The following ABTB3 variants were observed in gnomAD, a reference collection of about 807,000 sequenced individuals.
The protein encoded by ABTB3 is ankyrin repeat and BTB domain containing 3.
chr12:107,385,100 C>T, the ABTB3 span, among the ~76,000 whole-genome samples: 32 of 152,226 alleles, frequency 2.1e-4, no homozygotes, highest in African/African-American at 7.5e-4. Context: ...TGAAAATAAG[C>T]CCGATCTAGC....
At chr12:107,456,113 T>A in the ABTB3 span, among the ~76,000 whole-genome samples, 4 of 152,340 alleles carry the variant, frequency 2.6e-5, no homozygotes, top group African/African-American at 9.6e-5. Flanking sequence ...ATTTAACATG[T>A]GCCAATAACT....
the ABTB3 span, among the ~76,000 whole-genome samples, chr12:107,637,808 GT>G: frequency 1.3e-5 from 2 of 151,074 alleles, no homozygotes; most frequent in African/African-American, 4.9e-5. Context: ...GTGTGTGTGT[GT>G]GTGTGTGTGT....
At chr12:107,452,348 A>G in the ABTB3 span, among the ~76,000 whole-genome samples, 1 of 151,594 alleles carries the variant, frequency 6.6e-6, no homozygotes, top group Non-Finnish European at 1.5e-5. Flanking sequence ...GCTGGGACAC[A>G]GGCGCCCACC....
At chr12:107,649,283 T>C in the ABTB3 span, 1 of 1,611,058 alleles carries the variant, frequency 6.2e-7, no homozygotes, top group Non-Finnish European at 8.5e-7. Flanking sequence ...AGGTAAGGGA[T>C]CCATTGTGGT....
chr12:107,476,343 C>T, the ABTB3 span, among the ~76,000 whole-genome samples: 1,207 of 152,106 alleles, frequency 7.9e-3, 31 homozygotes, highest in African/African-American at 0.027. Context: ...TTAAAGTTGC[C>T]AAAGCCGAAG....
chr12:107,587,223 C>T, the ABTB3 span, among the ~76,000 whole-genome samples: 1 of 152,192 alleles, frequency 6.6e-6, no homozygotes, highest in Non-Finnish European at 1.5e-5. Context: ...CAGTATCCTG[C>T]AGGGGGTAGG....
chr12:107,654,217 G>C, the ABTB3 span, among the ~76,000 whole-genome samples: 1 of 152,074 alleles, frequency 6.6e-6, no homozygotes, highest in African/African-American at 2.4e-5. Flanking sequence ...TCCACTTTTT[G>C]GTTATTGTGA....
At chr12:107,397,645 T>C in the ABTB3 span, among the ~76,000 whole-genome samples, 1 of 152,204 alleles carries the variant, frequency 6.6e-6, no homozygotes, top group African/African-American at 2.4e-5. Context: ...TCTTTTCTTT[T>C]ATGATTACGA....
At chr12:107,332,067 G>A in the ABTB3 span, among the ~76,000 whole-genome samples, 1 of 152,246 alleles carries the variant, frequency 6.6e-6, no homozygotes, top group Non-Finnish European at 1.5e-5. Context: ...GCAGCTGGGA[G>A]CGTGTGCTGG....
chr12:107,576,108 G>A, the ABTB3 span, among the ~76,000 whole-genome samples: 7 of 152,142 alleles, frequency 4.6e-5, no homozygotes, highest in Non-Finnish European at 7.4e-5. Context: ...TAGGTTGAAG[G>A]AAACAAACCA....
chr12:107,424,901 G>T, the ABTB3 span, among the ~76,000 whole-genome samples: 1 of 152,154 alleles, frequency 6.6e-6, no homozygotes, highest in Non-Finnish European at 1.5e-5. Flanking sequence ...CCTGATTAAC[G>T]TATTTATGGC....
the ABTB3 span, among the ~76,000 whole-genome samples, chr12:107,389,174 T>G: frequency 1.3e-5 from 2 of 152,200 alleles, no homozygotes; most frequent in Non-Finnish European, 2.9e-5. Context: ...GGCTATGAGA[T>G]TCACCTCAAC....
the ABTB3 span, among the ~76,000 whole-genome samples, chr12:107,474,686 T>C: frequency 6.6e-6 from 1 of 152,122 alleles, no homozygotes; most frequent in African/African-American, 2.4e-5. Context: ...TGGCCAAACA[T>C]ACATGGAATG....
chr12:107,487,787 G>A, the ABTB3 span, among the ~76,000 whole-genome samples: 2 of 152,110 alleles, frequency 1.3e-5, no homozygotes, highest in Non-Finnish European at 1.5e-5. Context: ...CAACTGATGC[G>A]TTAGAAAGGA....
chr12:107,537,548 T>G, the ABTB3 span, among the ~76,000 whole-genome samples: 2 of 152,176 alleles, frequency 1.3e-5, no homozygotes, highest in Non-Finnish European at 2.9e-5. Flanking sequence ...GAAATAGAAT[T>G]GCTTCTCAGG....
chr12:107,399,247 AT>A, the ABTB3 span, among the ~76,000 whole-genome samples: 2 of 152,190 alleles, frequency 1.3e-5, no homozygotes, highest in Non-Finnish European at 2.9e-5. Flanking sequence ...CACTGAGCAC[AT>A]TCTCCAAGAG....
the ABTB3 span, chr12:107,657,436 G>A: frequency 7.8e-7 from 1 of 1,280,172 alleles, no homozygotes. Flanking sequence ...GCCATCATTA[G>A]CTCTGAAGGC....
At chr12:107,492,285 A>G in the ABTB3 span, among the ~76,000 whole-genome samples, 1 of 152,036 alleles carries the variant, frequency 6.6e-6, no homozygotes, top group Non-Finnish European at 1.5e-5. Context: ...CCCCCTAATA[A>G]TGATAATGTC....
At chr12:107,586,594 T>G in the ABTB3 span, among the ~76,000 whole-genome samples, 1 of 152,150 alleles carries the variant, frequency 6.6e-6, no homozygotes, top group Non-Finnish European at 1.5e-5. Context: ...CGAACTGATG[T>G]CAATGCATTA....
Sources: allele counts gnomAD v4.1 joint callset (sites outside exome capture counted in the v4.1 genomes callset), GRCh38; gene constraint gnomAD v4.1.1; transcripts MANE v1.5; gene names NCBI Gene and HGNC (gene_info 2026-07-23, HGNC 2026-07-21).